The following KCNAB1 variants were observed in gnomAD, a reference collection of about 807,000 sequenced individuals.
The protein encoded by KCNAB1 is potassium voltage-gated channel subfamily A regulatory beta subunit 1.
Under a neutral mutation model 64.6 loss-of-function variants are expected in KCNAB1, and 35 were observed. The observed-to-expected ratio is 0.54, with a 90% CI of 0.41 to 0.72. The LOEUF (loss-of-function observed/expected upper bound fraction) is 0.72. Ranked by LOEUF, KCNAB1 falls within the 30% of genes least tolerant of loss-of-function variation. The probability of loss-of-function intolerance (pLI) is 0.00; values close to 1 mark genes in which losing one functional copy is unlikely to be tolerated. For synonymous variants in KCNAB1, 177 were observed against 183.8 expected (o/e 0.96, Z 0.30); for missense variants, 401 against 512.9 (o/e 0.78, Z 2.11).
At chr3:156,362,108 C>T (rs1445039293) in intron 1 of KCNAB1, among the ~76,000 whole-genome samples, 1 of 152,084 alleles carries the variant, frequency 6.6e-6, no homozygotes, top group Non-Finnish European at 1.5e-5. Flanking sequence ...GCTCTATATC[C>T]ATCTATATCT....
At chr3:156,446,905 T>C (rs979514827) in intron 2 of KCNAB1, 7 of 152,370 alleles carry the variant, frequency 4.6e-5, no homozygotes, top group Non-Finnish European at 8.8e-5. Context: ...GTCACTTCTG[T>C]ATTCAAAATT....
intron 1 of KCNAB1, among the ~76,000 whole-genome samples, chr3:156,380,744 C>T (rs911143837): frequency 6.6e-6 from 1 of 152,140 alleles, no homozygotes; most frequent in Admixed American, 6.5e-5. Context: ...TTCCTTCCTC[C>T]CTGAAACGTA....
intron 1 of KCNAB1, among the ~76,000 whole-genome samples, chr3:156,305,743 AC>A (rs555097353): frequency 1.9e-3 from 293 of 152,338 alleles, no homozygotes; most frequent in African/African-American, 6.8e-3. Flanking sequence ...AAACCTAAAA[AC>A]AACAGAGACA....
At chr3:156,463,070 A>G (rs1713047670) in intron 5 of KCNAB1, among the ~76,000 whole-genome samples, 1 of 152,100 alleles carries the variant, frequency 6.6e-6, no homozygotes, top group Admixed American at 6.5e-5. Context: ...TTAATAAGAC[A>G]CTCAAAGACA....
At chr3:156,472,460 A>G (rs1713989856) in intron 7 of KCNAB1, among the ~76,000 whole-genome samples, 1 of 152,204 alleles carries the variant, frequency 6.6e-6, no homozygotes, top group African/African-American at 2.4e-5. Context: ...AATCTCACAC[A>G]GAATCCAAAG....
intron 2 of KCNAB1, among the ~76,000 whole-genome samples, chr3:156,440,033 T>C (rs939507724): frequency 6.6e-6 from 1 of 152,194 alleles, no homozygotes; most frequent in Non-Finnish European, 1.5e-5. Flanking sequence ...CATGAATACA[T>C]TGGACATTAC....
At chr3:156,509,065 G>T (rs1425900746) in intron 8 of KCNAB1, among the ~76,000 whole-genome samples, 1 of 152,074 alleles carries the variant, frequency 6.6e-6, no homozygotes, top group Non-Finnish European at 1.5e-5. Flanking sequence ...ATTCATGGTG[G>T]TGGAGTGGGG....
At chr3:156,430,774 TC>T (rs1716150477) in intron 2 of KCNAB1, among the ~76,000 whole-genome samples, 1 of 152,130 alleles carries the variant, frequency 6.6e-6, no homozygotes, top group South Asian at 2.1e-4. Context: ...GTCCCAAACT[TC>T]CGCTTCCTCC....
intron 1 of KCNAB1, among the ~76,000 whole-genome samples, chr3:156,247,421 C>T (rs1237485442): frequency 2.6e-5 from 4 of 152,156 alleles, no homozygotes; most frequent in Non-Finnish European, 5.9e-5. Context: ...AATATGTTCA[C>T]TTGGTTTTTT....
intron 1 of KCNAB1, among the ~76,000 whole-genome samples, chr3:156,395,587 C>CAAAAAAAAAAA (rs1713401443): frequency 1.6e-5 from 1 of 63,236 alleles, no homozygotes; most frequent in Non-Finnish European, 3.9e-5. Context: ...AAAAAAAAAT[C>CAAAAAAAAAAA]AGACATTGTT....
intron 1 of KCNAB1, among the ~76,000 whole-genome samples, chr3:156,341,726 G>T (rs1028786949): frequency 3.3e-5 from 5 of 152,022 alleles, no homozygotes; most frequent in South Asian, 4.2e-4. Context: ...AATATAGAAA[G>T]AAATATATTT....
At chr3:156,213,227 T>TG (rs1715123102) in intron 1 of KCNAB1, among the ~76,000 whole-genome samples, 1 of 151,350 alleles carries the variant, frequency 6.6e-6, no homozygotes, top group African/African-American at 2.4e-5. Context: ...TTTTTTTTTT[T>TG]TTGTCTTTTG....
At chr3:156,403,347 A>G (rs1466992029) in intron 1 of KCNAB1, among the ~76,000 whole-genome samples, 1 of 152,212 alleles carries the variant, frequency 6.6e-6, no homozygotes, top group Admixed American at 6.5e-5. Flanking sequence ...AGGAACAAGC[A>G]CTAAGTCTGA....
At chr3:156,138,397 C>T (rs1047066278) in intron 1 of KCNAB1, among the ~76,000 whole-genome samples, 2 of 152,180 alleles carry the variant, frequency 1.3e-5, no homozygotes, top group Non-Finnish European at 1.5e-5. Flanking sequence ...TACTTCCCCA[C>T]CCCGGCAGTG....
intron 1 of KCNAB1, among the ~76,000 whole-genome samples, chr3:156,166,825 C>T (rs1339476326): frequency 6.6e-6 from 1 of 152,144 alleles, no homozygotes; most frequent in African/African-American, 2.4e-5. Context: ...AGCATCTCCC[C>T]TTCTAATAAA....
intron 1 of KCNAB1, among the ~76,000 whole-genome samples, chr3:156,138,505 C>T (rs1181102886): frequency 2.0e-5 from 3 of 152,134 alleles, no homozygotes; most frequent in Non-Finnish European, 4.4e-5. Context: ...CCAAGATATA[C>T]AGTGTTCAAC....
intron 1 of KCNAB1, among the ~76,000 whole-genome samples, chr3:156,224,221 T>C (rs950404640): frequency 3.9e-5 from 6 of 152,142 alleles, no homozygotes; most frequent in African/African-American, 1.2e-4. Flanking sequence ...CCGCTCTGAG[T>C]GCGGGCCCAC....
chr3:156,399,307 A>G (rs1369608885), intron 1 of KCNAB1, among the ~76,000 whole-genome samples: 2 of 152,188 alleles, frequency 1.3e-5, no homozygotes, highest in Non-Finnish European at 2.9e-5. Flanking sequence ...GAAAAAATAA[A>G]AACAGTTTGT....
chr3:156,407,320 C>T (rs963142482), intron 1 of KCNAB1, among the ~76,000 whole-genome samples: 36 of 152,310 alleles, frequency 2.4e-4, no homozygotes, highest in African/African-American at 8.4e-4. Flanking sequence ...TCCTCCAGGT[C>T]CCCGCTCAAA....
Sources: gnomAD v4.1 joint callset for allele counts (sites outside exome capture counted in the v4.1 genomes callset) on GRCh38, gnomAD v4.1.1 for gene constraint, MANE v1.5 for transcripts, NCBI Gene and HGNC (gene_info 2026-07-23, HGNC 2026-07-21) for gene names.